Variants in ST3GAL5 observed in about 807,000 individuals in gnomAD.
ST3GAL5 encodes ST3 beta-galactoside alpha-2,3-sialyltransferase 5, also known as lactosylceramide alpha-2,3-sialyltransferase.
Under a neutral mutation model 46.1 loss-of-function variants are expected in ST3GAL5, and 25 were observed. The observed-to-expected ratio is 0.54, with a 90% confidence interval of 0.40 to 0.76. The LOEUF (loss-of-function observed/expected upper bound fraction) is 0.76. Among genes scored for constraint, ST3GAL5 ranks in the 30% least tolerant of loss-of-function variants. The probability of loss-of-function intolerance (pLI) is 0.00; values close to 1 mark genes in which losing one functional copy is unlikely to be tolerated. For missense variants in ST3GAL5, 431 were observed against 521.2 expected (o/e 0.83, Z 1.69); for synonymous variants, 182 against 192.7 (o/e 0.94, Z 0.46).
chr2:85,882,997 G>T (rs1238901339), intron 1 of ST3GAL5, among the ~76,000 whole-genome samples: 1 of 152,206 alleles, frequency 6.6e-6, no homozygotes, highest in Non-Finnish European at 1.5e-5. Context: ...AGGCAGAAGG[G>T]ACTTGGCTTG....
At chr2:85,862,680 C>T (rs909433908) in intron 2 of ST3GAL5, among the ~76,000 whole-genome samples, 2 of 152,070 alleles carry the variant, frequency 1.3e-5, no homozygotes, top group African/African-American at 2.4e-5. Flanking sequence ...ACGTGGTGGG[C>T]CTCAATAAAT....
At position 85,882,100 on chromosome 2, in the gene ST3GAL5, C is replaced by G. The variant is rs551724970; in HGVS notation, c.82+6724G>C. 2.6e-5 allele frequency among the ~76,000 whole-genome samples: 4 copies of G among 152,252 alleles called. No individual in the cohort carries two copies. In the East Asian group the frequency reaches 7.7e-4, roughly 29 times the overall value. On this transcript the variant is annotated intron_variant, in intron 1 of 6. Transcript: ENST00000638572. Reference sequence around the variant, plus strand: ...CTGTGGCTTCAGAGGGTGGAAGCCCCAAGCCTTGGCAGCCTAGTCAAGAAC... The same window carrying G: ...CTGTGGCTTCAGAGGGTGGAAGCCCGAAGCCTTGGCAGCCTAGTCAAGAAC...
chr2:85,843,049 C>G (rs1384452658), intron 6 of ST3GAL5, among the ~76,000 whole-genome samples: 1 of 152,142 alleles, frequency 6.6e-6, no homozygotes, highest in East Asian at 1.9e-4. Flanking sequence ...TCTGCAACCG[C>G]GCCCAGCCTA....
intron 3 of ST3GAL5, chr2:85,853,335 A>T: frequency 3.0e-6 from 1 of 333,972 alleles, no homozygotes; most frequent in South Asian, 2.4e-5. Flanking sequence ...TGCCACAGCC[A>T]CACTTCCTCT....
chr2:85,860,832 CA>C (rs111470680), intron 3 of ST3GAL5: 61,462 of 248,294 alleles, frequency 0.25, 1,759 homozygotes, highest in East Asian at 0.31. Context: ...GACCCTGACT[CA>C]AAAAAAAAAA....
In ST3GAL5 at chr2:85,839,647, G is replaced by A. The variant is rs539367874; in HGVS notation, c.*497C>T. On this transcript the variant is annotated 3_prime_UTR_variant, in exon 7 of 7. Coordinates refer to ENST00000638572, the MANE Select transcript of ST3GAL5 (RefSeq NM_003896.4). Reference sequence around the variant, plus strand: ...CTCCAACCAGCCCAGGCCTCACGCCGCTGCATCGCAGACCCAGTATCAGCA... The same window carrying A: ...CTCCAACCAGCCCAGGCCTCACGCCACTGCATCGCAGACCCAGTATCAGCA... 4 of 222,084 alleles carry A rather than the reference G, an allele frequency of 1.8e-5. No homozygotes were observed. The highest frequency in any genetic ancestry group is 1.2e-4 in the East Asian group (1 of 8,530). The allele number at this position is 222,084 out of a possible 1,614,324, so 13.8% of individuals were successfully genotyped here. A position where few individuals can be genotyped will look rare whatever the true frequency, so the allele number is the denominator to read the frequency against.
chr2:85,882,132 T>G (rs1687224704), intron 1 of ST3GAL5, among the ~76,000 whole-genome samples: 1 of 152,178 alleles, frequency 6.6e-6, no homozygotes, highest in Non-Finnish European at 1.5e-5. Flanking sequence ...GAACTGAGGT[T>G]TGGGAACCTC....
chr2:85,875,026 TC>T (rs1418397546), intron 1 of ST3GAL5, among the ~76,000 whole-genome samples: 3 of 151,736 alleles, frequency 2.0e-5, no homozygotes, highest in East Asian at 1.9e-4. Context: ...AATGACTGTC[TC>T]CCCCCCACCA....
intron 1 of ST3GAL5, among the ~76,000 whole-genome samples, chr2:85,884,392 G>C (rs910293815): frequency 2.6e-5 from 4 of 152,184 alleles, no homozygotes; most frequent in Non-Finnish European, 4.4e-5. Flanking sequence ...AGGTGCATAA[G>C]AGTTTAGAAA....
At chr2:85,887,404 C>T (rs2104272211) in intron 1 of ST3GAL5, 1 of 152,344 alleles carries the variant, frequency 6.6e-6, no homozygotes, top group South Asian at 2.1e-4. Context: ...CTTCCTATCT[C>T]ACCTGTTTCT....
chr2:85,865,439 T>C (rs1685194536), intron 1 of ST3GAL5, among the ~76,000 whole-genome samples: 1 of 152,220 alleles, frequency 6.6e-6, no homozygotes, highest in South Asian at 2.1e-4. Flanking sequence ...GTTTTTATCA[T>C]TATGTATAAT....
Position 85,837,714 on chromosome 2 carries a change from AAAAATT to A in ST3GAL5, c.*2424_*2429del, listed in dbSNP as rs1268491590. The A allele has an allele frequency of 6.6e-6, 1 of 152,266 alleles. No homozygotes were observed. The highest frequency in any genetic ancestry group is 2.4e-5 in the African/African-American group (1 of 41,476). 9.4% of individuals were successfully genotyped at this position (152,266 alleles called of 1,614,324 possible). A position where few individuals can be genotyped will look rare whatever the true frequency, so the allele number is the denominator to read the frequency against. On this transcript the variant is annotated 3_prime_UTR_variant, in exon 7 of 7. Coordinates refer to ENST00000638572, the MANE Select transcript of ST3GAL5 (RefSeq NM_003896.4). ...ATATGCACATCACTATGTATCAATCAAAAATTAAAATTAAAAAACCCTAAAACTGAA... is the reference window on the plus strand; with the variant it reads ...ATATGCACATCACTATGTATCAATCAAAAATTAAAAAACCCTAAAACTGAA...
intron 1 of ST3GAL5, 137 bp downstream of exon 1, chr2:85,888,687 G>T (rs1220362182): frequency 1.2e-5 from 7 of 597,420 alleles, no homozygotes; most frequent in Non-Finnish European, 1.6e-5. Context: ...TCGCCTGAGG[G>T]TGTCGTGCCC....
chr2:85,881,187 C>T (rs1687106991), intron 1 of ST3GAL5, among the ~76,000 whole-genome samples: 1 of 152,220 alleles, frequency 6.6e-6, no homozygotes, highest in Admixed American at 6.5e-5. Flanking sequence ...TTGCCCTCTA[C>T]CATGATTGTG....
intron 1 of ST3GAL5, among the ~76,000 whole-genome samples, chr2:85,882,597 C>T (rs1687282776): frequency 6.6e-6 from 1 of 151,950 alleles, no homozygotes; most frequent in Admixed American, 6.6e-5. Context: ...CTTTGGGAGG[C>T]CGAGGTGGAT....
At chr2:85,853,033 G>T (rs896132938) in intron 3 of ST3GAL5, 1 of 1,304,092 alleles carries the variant, frequency 7.7e-7, no homozygotes, top group Admixed American at 2.3e-5. Flanking sequence ...ATGAAGAAGC[G>T]GCTGAGTCCA....
chr2:85,842,514 G>T (rs1682253109), intron 6 of ST3GAL5, among the ~76,000 whole-genome samples: 1 of 152,172 alleles, frequency 6.6e-6, no homozygotes, highest in Non-Finnish European at 1.5e-5. Flanking sequence ...ACATGAGGAA[G>T]TTTCTGATAC....
At chr2:85,856,781 G>A (rs1684159383) in intron 3 of ST3GAL5, among the ~76,000 whole-genome samples, 1 of 151,554 alleles carries the variant, frequency 6.6e-6, no homozygotes, top group Non-Finnish European at 1.5e-5. Context: ...TGTTGCCCAG[G>A]CTGGTCTCAA....
At chr2:85,875,069 G>A (rs1014746922) in intron 1 of ST3GAL5, among the ~76,000 whole-genome samples, 1 of 152,024 alleles carries the variant, frequency 6.6e-6, no homozygotes, top group Admixed American at 6.6e-5. Flanking sequence ...TCTTTTTGTT[G>A]TTGTTTTTGA....
Sources: allele counts gnomAD v4.1 joint callset (sites outside exome capture counted in the v4.1 genomes callset), GRCh38; gene constraint gnomAD v4.1.1; transcripts MANE v1.5; gene names NCBI Gene and HGNC (gene_info 2026-07-23, HGNC 2026-07-21).